The following COL14A1 variants were observed in gnomAD, a reference collection of about 807,000 sequenced individuals.
The protein encoded by COL14A1 is collagen type XIV alpha 1 chain, also known as collagen alpha-1(XIV) chain.
COL14A1 carries 136 observed loss-of-function variants against 230.3 expected under a neutral mutation model. The observed-to-expected ratio is 0.59, with a 90% CI of 0.51 to 0.68. COL14A1 has a LOEUF of 0.68. Ranked by LOEUF, COL14A1 falls within the 30% of genes least tolerant of loss-of-function variation. The pLI is 0.00. For missense variants in COL14A1, 1,976 were observed against 2,215.8 expected (o/e 0.89, Z 2.17); for synonymous variants, 792 against 784.1 (o/e 1.01, Z -0.17).
chr8:120,259,702 A>T (rs529571758), intron 23 of COL14A1, among the ~76,000 whole-genome samples: 1 of 152,180 alleles, frequency 6.6e-6, no homozygotes, highest in African/African-American at 2.4e-5. Context: ...TTTAAAGTCC[A>T]TGGGTTTCTA....
At chr8:120,348,657 G>C (rs2130304601) in intron 45 of COL14A1, among the ~76,000 whole-genome samples, 1 of 152,202 alleles carries the variant, frequency 6.6e-6, no homozygotes. Context: ...AACACCACCT[G>C]TTCCCCAATA....
intron 45 of COL14A1, among the ~76,000 whole-genome samples, chr8:120,346,549 T>A (rs1182776902): frequency 2.0e-5 from 3 of 152,216 alleles, no homozygotes; most frequent in African/African-American, 7.2e-5. Flanking sequence ...CAAAAACTAT[T>A]TCATATTTAT....
At chr8:120,369,583 G>A in intron 47 of COL14A1, 98 bp downstream of exon 47, 6 of 1,177,246 alleles carry the variant, frequency 5.1e-6, no homozygotes, top group Non-Finnish European at 6.8e-6. Flanking sequence ...AAGTTAAATT[G>A]GTTATGAATG....
At chr8:120,359,946 C>G (rs921437025) in intron 45 of COL14A1, among the ~76,000 whole-genome samples, 1 of 152,116 alleles carries the variant, frequency 6.6e-6, no homozygotes, top group African/African-American at 2.4e-5. Context: ...ACTGCACTTC[C>G]TCCCTCTCGC....
At chr8:120,290,946 T>C (rs572420607) in intron 34 of COL14A1, among the ~76,000 whole-genome samples, 1 of 152,206 alleles carries the variant, frequency 6.6e-6, no homozygotes, top group Non-Finnish European at 1.5e-5. Context: ...AAAAGTTCCT[T>C]TGTTTCTACT....
chr8:120,342,656 T>A (rs1488412090), intron 44 of COL14A1, among the ~76,000 whole-genome samples: 1 of 152,080 alleles, frequency 6.6e-6, no homozygotes, highest in African/African-American at 2.4e-5. Flanking sequence ...AAAGCCAAAT[T>A]CCTTTGTGTC....
intron 36 of COL14A1, among the ~76,000 whole-genome samples, chr8:120,304,146 C>G (rs1429958086): frequency 6.6e-6 from 1 of 152,080 alleles, no homozygotes; most frequent in Non-Finnish European, 1.5e-5. Context: ...CTTTATTAGT[C>G]TAGCTGGTGG....
chr8:120,222,945 C>T (rs1273705747), intron 14 of COL14A1, among the ~76,000 whole-genome samples: 3 of 152,168 alleles, frequency 2.0e-5, no homozygotes, highest in African/African-American at 4.8e-5. Flanking sequence ...AATAACCCTA[C>T]TTATAGGTGG....
chr8:120,129,243 A>G (rs1814448079), intron 1 of COL14A1, among the ~76,000 whole-genome samples: 1 of 152,222 alleles, frequency 6.6e-6, no homozygotes, highest in Non-Finnish European at 1.5e-5. Context: ...AAACAGGAAG[A>G]GCACCTGACC....
intron 40 of COL14A1, among the ~76,000 whole-genome samples, chr8:120,329,415 T>C (rs1821795079): frequency 6.6e-6 from 1 of 152,172 alleles, no homozygotes; most frequent in South Asian, 2.1e-4. Flanking sequence ...GAGACCAGCC[T>C]GAGCAATGTG....
At chr8:120,129,269 C>T (rs1464428043) in intron 1 of COL14A1, among the ~76,000 whole-genome samples, 2 of 152,148 alleles carry the variant, frequency 1.3e-5, no homozygotes, top group African/African-American at 4.8e-5. Flanking sequence ...CTTGGAAGAT[C>T]AAGGAAAACT....
intron 14 of COL14A1, among the ~76,000 whole-genome samples, chr8:120,222,963 A>G (rs1817978458): frequency 6.6e-6 from 1 of 152,228 alleles, no homozygotes; most frequent in African/African-American, 2.4e-5. Context: ...TGGAAAGAGA[A>G]ATCTCCTCTG....
At position 120,336,886 on chromosome 8, in the gene COL14A1, G is replaced by A. The variant is rs920561031; in HGVS notation, c.4785+4151G>A. ...CTTTTTCACCACTTGGTGAGCTCCC[G>A]GCAAATCCTTCTTTAAGGCTGCACA... On this transcript the variant is annotated intron_variant, in intron 42 of 47. Transcript: ENST00000297848. 3.9e-5 allele frequency among the ~76,000 whole-genome samples: 6 copies of A among 152,164 alleles called. No individual in the cohort carries two copies. The East Asian group carries it at 5.8e-4, about 15-fold the overall frequency.
rs1434971467 is a variant in COL14A1 at position 120,345,355 on chromosome 8, C to G, written c.4889-20C>G. 6 of 1,546,118 alleles carry G rather than the reference C, an allele frequency of 3.9e-6. No homozygotes were observed. Among genetic ancestry groups the G allele is most frequent in the Non-Finnish European group, 4.3e-6 (5 of 1,155,502 alleles). On this transcript the variant is annotated intron_variant, in intron 44 of 47. Transcript: ENST00000297848. ...TGTGTGACAGTTCACTGAATGCTGT[C>G]TTTATGCTTCATACCTCAGGTCACA...
chr8:120,206,029 A>C (rs1394015974), intron 9 of COL14A1, among the ~76,000 whole-genome samples: 3 of 152,228 alleles, frequency 2.0e-5, no homozygotes, highest in African/African-American at 7.2e-5. Flanking sequence ...CATAGTGGGC[A>C]TTTAGTATAT....
chr8:120,235,651 T>C (rs1818420185), intron 19 of COL14A1, among the ~76,000 whole-genome samples: 1 of 152,204 alleles, frequency 6.6e-6, no homozygotes, highest in Non-Finnish European at 1.5e-5. Flanking sequence ...TTTCTTGTCT[T>C]CTGCTAGCTT....
chr8:120,341,080 A>G (rs1206870966), intron 42 of COL14A1, among the ~76,000 whole-genome samples: 2 of 152,214 alleles, frequency 1.3e-5, no homozygotes, highest in Non-Finnish European at 2.9e-5. Context: ...CACGATTCCA[A>G]TTTTGTGGCC....
intron 1 of COL14A1, among the ~76,000 whole-genome samples, chr8:120,137,371 C>A (rs576512819): frequency 1.4e-4 from 21 of 152,112 alleles, no homozygotes; most frequent in South Asian, 6.2e-4. Context: ...GATCACACTT[C>A]CTAAAGGTTT....
In COL14A1 at chr8:120,341,323, A is replaced by G; in HGVS notation, c.4786-2A>G. On this transcript the variant is annotated splice_acceptor_variant, in intron 42 of 47. Transcript: ENST00000297848. LOFTEE classifies it high-confidence loss of function. ...TAACTTGACAATTTTCCATTTATAC[A>G]GGGTGTCCCTGGAGCAAAGGGGGAA... 1 of 1,614,164 alleles carries G rather than the reference A, an allele frequency of 6.2e-7. No homozygotes were observed. The highest frequency in any genetic ancestry group is 8.5e-7 in the Non-Finnish European group (1 of 1,179,978).
Sources: gnomAD v4.1 joint callset for allele counts (sites outside exome capture counted in the v4.1 genomes callset) on GRCh38, gnomAD v4.1.1 for gene constraint, MANE v1.5 for transcripts, NCBI Gene and HGNC (gene_info 2026-07-23, HGNC 2026-07-21) for gene names.